The following RIC1 variants were observed in gnomAD, a reference collection of about 807,000 sequenced individuals.
RIC1 encodes the protein RIC1 partner of RAB6A GEF complex, also known as guanine nucleotide exchange factor subunit RIC1.
In RIC1, 88 loss-of-function variants were observed where a neutral mutation model predicts 169.0. That is an observed-to-expected ratio of 0.52 (90% CI 0.44 to 0.62). The LOEUF is 0.62. Among genes scored for constraint, RIC1 ranks in the 20% least tolerant of loss-of-function variants. The pLI, the probability that RIC1 is intolerant of heterozygous loss-of-function variation, is 0.00. For missense variants in RIC1, 1,877 were observed against 1,725.5 expected, an observed-to-expected ratio of 1.09 and a Z score of -1.56; for synonymous variants, 790 against 601.5, an observed-to-expected ratio of 1.31 and a Z score of -4.59.
intron 3 of RIC1, among the ~76,000 whole-genome samples, chr9:5,692,461 A>T (rs532462259): frequency 3.3e-5 from 5 of 152,164 alleles, no homozygotes; most frequent in African/African-American, 1.2e-4. Context: ...CTAAGCTTTT[A>T]AGTAATTTTT....
intron 1 of RIC1, among the ~76,000 whole-genome samples, chr9:5,645,932 A>G (rs1479096775): frequency 7.2e-6 from 1 of 139,248 alleles, no homozygotes; most frequent in African/African-American, 2.7e-5. Context: ...CTGCTGTTTC[A>G]TTTGGTTATT....
At chr9:5,721,609 C>G (rs1256061845) in intron 6 of RIC1, among the ~76,000 whole-genome samples, 2 of 152,222 alleles carry the variant, frequency 1.3e-5, no homozygotes, top group South Asian at 2.1e-4. Context: ...CCAGTTTCAT[C>G]TGGGACAAGG....
At chr9:5,650,875 G>T (rs887283276) in intron 1 of RIC1, among the ~76,000 whole-genome samples, 2 of 152,144 alleles carry the variant, frequency 1.3e-5, no homozygotes, top group Non-Finnish European at 2.9e-5. Context: ...GGTCCAAGTG[G>T]CATTGCATCA....
chr9:5,744,524 C>T (rs1055663344), intron 10 of RIC1, among the ~76,000 whole-genome samples: 11 of 152,120 alleles, frequency 7.2e-5, no homozygotes, highest in African/African-American at 2.7e-4. Context: ...TTTGCAAATA[C>T]ATTCTTGGGG....
chr9:5,772,685 G>A lies in RIC1; in HGVS notation c.3738G>A (p.Glu1246=). Residue 1246 remains glutamate (E), a synonymous_variant, in exon 24 of 26, where the codon GAG becomes GAA. Coordinates refer to ENST00000414202, the MANE Select transcript of RIC1 (RefSeq NM_020829.4). The part of the protein sequence containing the change: ...STLSLTQSEL[E]HISMELASKG... Reference sequence around the variant, plus strand: ...TCAGTTTAACTCAGTCAGAGCTGGAGCACATTTCCATGGAGTTGGCCAGTA... The same window carrying A: ...TCAGTTTAACTCAGTCAGAGCTGGAACACATTTCCATGGAGTTGGCCAGTA... 1 of 1,613,700 alleles carries A rather than the reference G, an allele frequency of 6.2e-7. No individual in the cohort carries two copies. Among genetic ancestry groups the A allele is most frequent in the Non-Finnish European group, 8.5e-7 (1 of 1,179,872 alleles).
intron 12 of RIC1, among the ~76,000 whole-genome samples, chr9:5,749,013 T>C (rs938205219): frequency 1.3e-5 from 2 of 152,078 alleles, no homozygotes; most frequent in African/African-American, 4.8e-5. Flanking sequence ...GCTGAAACAA[T>C]GAAAATGGGC....
chr9:5,662,717 A>G (rs1044014138), intron 2 of RIC1, among the ~76,000 whole-genome samples: 6 of 151,862 alleles, frequency 4.0e-5, no homozygotes, highest in Admixed American at 6.6e-5. Flanking sequence ...GTTTATTTAA[A>G]TCTTCTCTTT....
At chr9:5,649,149 A>T (rs1227821713) in intron 1 of RIC1, among the ~76,000 whole-genome samples, 1 of 152,172 alleles carries the variant, frequency 6.6e-6, no homozygotes, top group Admixed American at 6.5e-5. Flanking sequence ...AGAAAAAAAA[A>T]ATTAAACTCA....
intron 21 of RIC1, among the ~76,000 whole-genome samples, chr9:5,768,199 A>T (rs1417065198): frequency 6.6e-6 from 1 of 152,180 alleles, no homozygotes; most frequent in African/African-American, 2.4e-5. Flanking sequence ...GTCAGGAATG[A>T]GAGACTATAC....
At chr9:5,659,175 T>C (rs2130473029) in intron 2 of RIC1, among the ~76,000 whole-genome samples, 1 of 152,264 alleles carries the variant, frequency 6.6e-6, no homozygotes, top group South Asian at 2.1e-4. Flanking sequence ...CATTGAACGG[T>C]CTTGGTAGTC....
intron 6 of RIC1, among the ~76,000 whole-genome samples, chr9:5,722,781 C>A (rs1232489435): frequency 6.6e-6 from 1 of 151,416 alleles, no homozygotes; most frequent in Non-Finnish European, 1.5e-5. Context: ...TTGTTCAATT[C>A]CCACCTATGA....
intron 1 of RIC1, among the ~76,000 whole-genome samples, chr9:5,652,321 A>G (rs955209681): frequency 6.6e-6 from 1 of 152,224 alleles, no homozygotes; most frequent in Non-Finnish European, 1.5e-5. Context: ...ATTTAACAGT[A>G]TTAATTTTTC....
intron 2 of RIC1, among the ~76,000 whole-genome samples, chr9:5,662,619 T>G (rs1819522131): frequency 6.6e-6 from 1 of 152,222 alleles, no homozygotes; most frequent in Non-Finnish European, 1.5e-5. Flanking sequence ...TTCTATTTAA[T>G]GTGCATTGAT....
chr9:5,647,936 G>GGGTGGTGATGGT (rs1554658158), intron 1 of RIC1, among the ~76,000 whole-genome samples: 2 of 121,292 alleles, frequency 1.6e-5, no homozygotes, highest in African/African-American at 5.9e-5. Context: ...GTGTGGGGGT[G>GGGTGGTGATGGT]GGTGGTGGTG....
intron 3 of RIC1, among the ~76,000 whole-genome samples, chr9:5,694,257 A>G (rs1821759471): frequency 6.6e-6 from 1 of 152,242 alleles, no homozygotes; most frequent in Non-Finnish European, 1.5e-5. Context: ...AAAGGTGACA[A>G]GAGATCTGAA....
intron 12 of RIC1, among the ~76,000 whole-genome samples, chr9:5,747,778 T>G (rs1825470663): frequency 7.1e-6 from 1 of 140,692 alleles, no homozygotes; most frequent in South Asian, 2.3e-4. Flanking sequence ...GAGAACTATT[T>G]ATTTTACTTT....
chr9:5,738,114 T>G (rs1449745714), intron 7 of RIC1, among the ~76,000 whole-genome samples: 2 of 152,206 alleles, frequency 1.3e-5, no homozygotes, highest in African/African-American at 4.8e-5. Context: ...AGTATTATAT[T>G]GCTATACCAT....
At position 5,770,151 on chromosome 9, in the gene RIC1, C is replaced by T. The variant is rs1428182963; in HGVS notation, c.3489C>T (p.Gly1163=). 1.2e-5 allele frequency: 20 copies of T among 1,613,848 alleles called. No homozygotes were observed. Among genetic ancestry groups the T allele is most frequent in the Non-Finnish European group, 1.7e-5 (20 of 1,179,856 alleles). Residue 1163 remains glycine, a synonymous_variant, in exon 23 of 26, where the codon GGC becomes GGT. Transcript: ENST00000414202. ...DPFLNLEMDA[G]ISNIQRSQSW... ...TTTTGAACCTTGAGATGGATGCTGG[C>T]ATCTCCAACATCCAGCGAAGTCAGA...
Position 5,765,648 on chromosome 9 carries a change from G to T in RIC1, c.3001-14G>T. 1 of 1,614,044 alleles carries T rather than the reference G, an allele frequency of 6.2e-7. No individual in the cohort carries two copies. The highest frequency in any genetic ancestry group is 8.5e-7 in the Non-Finnish European group (1 of 1,179,978). On this transcript the variant is annotated splice_polypyrimidine_tract_variant and intron_variant, in intron 20 of 25. Coordinates refer to ENST00000414202, the MANE Select transcript of RIC1 (RefSeq NM_020829.4). ...TCTTTCTCTAATGGTACTGCATATG[G>T]TGTGTAATCCTAGGAACCCAGTTCA...
Sources: allele counts gnomAD v4.1 joint callset (sites outside exome capture counted in the v4.1 genomes callset), GRCh38; gene constraint gnomAD v4.1.1; transcripts MANE v1.5; gene names NCBI Gene and HGNC (gene_info 2026-07-23, HGNC 2026-07-21).